The following CCNH variants were observed in gnomAD, a reference collection of about 807,000 sequenced individuals.
The protein encoded by CCNH is cyclin-H.
A neutral mutation model predicts 41.9 loss-of-function variants in CCNH; 31 were observed. The ratio of observed to expected loss-of-function variants is 0.74; its 90% CI spans 0.56 to 1.00. CCNH has a LOEUF of 1.00. CCNH is among the 50% of genes least tolerant of loss of function. The pLI, the probability that CCNH is intolerant of heterozygous loss-of-function variation, is 0.00. For missense variants in CCNH, 362 were observed against 388.4 expected (o/e 0.93, Z 0.57); for synonymous variants, 138 against 136.1 (o/e 1.01, Z -0.10).
At chr5:87,408,211 G>C in intron 3 of CCNH, 25 bp from the exon 4 acceptor site, 4 of 1,160,280 alleles carry the variant, frequency 3.4e-6, no homozygotes, top group Non-Finnish European at 5.0e-6. Flanking sequence ...AAGGAGGCAG[G>C]AGGCAGGGGG....
downstream of CCNH, among the ~76,000 whole-genome samples, chr5:87,316,554 A>T (rs891623887): frequency 6.6e-6 from 1 of 152,076 alleles, no homozygotes; most frequent in Non-Finnish European, 1.5e-5. Context: ...CCACTATCTA[A>T]ATATCTTTCT....
At chr5:87,395,235 G>A (rs1207829209) in intron 7 of CCNH, 131 bp from the exon 8 acceptor site, 7 of 634,886 alleles carry the variant, frequency 1.1e-5, no homozygotes, top group Non-Finnish European at 1.8e-5. Context: ...AATGGAAAAA[G>A]ATAAACAGCT....
downstream of CCNH, among the ~76,000 whole-genome samples, chr5:87,313,727 A>G (rs181011950): frequency 2.0e-5 from 3 of 152,366 alleles, no homozygotes; most frequent in East Asian, 5.8e-4. Flanking sequence ...ATCAGCTGAC[A>G]TCATGGTAGA....
At chr5:87,386,741 TAACTGTA>T (rs1453231483), downstream of CCNH, 8 of 1,194,890 alleles carry the variant, frequency 6.7e-6, no homozygotes, top group Non-Finnish European at 1.0e-5. Flanking sequence ...TTTTTGCTGT[TAACTGTA>T]ATTACTTTTG....
intron 3 of CCNH, 120 bp downstream of exon 3, chr5:87,409,170 C>T: frequency 2.1e-6 from 1 of 476,960 alleles, no homozygotes; most frequent in South Asian, 4.9e-5. Context: ...TCTAAATTAC[C>T]CTGTATTAGG....
intron 9 of CCNH, chr5:87,332,450 A>G (rs1580282383): frequency 9.3e-6 from 14 of 1,512,690 alleles, no homozygotes; most frequent in Non-Finnish European, 1.2e-5. Context: ...ATAAAACTTG[A>G]TTTTTAAAAT....
chr5:87,377,996 A>G (rs558829059), upstream of CCNH, among the ~76,000 whole-genome samples: 5 of 152,340 alleles, frequency 3.3e-5, no homozygotes, highest in South Asian at 1.0e-3. Context: ...ATTAATCTAT[A>G]CTGGGATTTT....
At chr5:87,342,712 T>C (rs1289198413) in intron 9 of CCNH, among the ~76,000 whole-genome samples, 1 of 152,198 alleles carries the variant, frequency 6.6e-6, no homozygotes, top group East Asian at 1.9e-4. Flanking sequence ...AGTAGAAAAC[T>C]AGAAAGTGTT....
chr5:87,379,846 C>T, upstream of CCNH: 1 of 1,612,024 alleles, frequency 6.2e-7, no homozygotes, highest in Non-Finnish European at 8.5e-7. Context: ...AGAAATACTT[C>T]CACCGTAAGT....
chr5:87,399,961 G>T (rs1252213242), intron 6 of CCNH, among the ~76,000 whole-genome samples: 2 of 152,162 alleles, frequency 1.3e-5, no homozygotes, highest in Admixed American at 1.3e-4. Flanking sequence ...ATAAAGGGAG[G>T]ATGCTCAGTA....
At chr5:87,358,580 T>C (rs1173728046) in intron 9 of CCNH, among the ~76,000 whole-genome samples, 3 of 152,254 alleles carry the variant, frequency 2.0e-5, no homozygotes, top group Non-Finnish European at 4.4e-5. Flanking sequence ...TGTCCCCTTA[T>C]GCTGCATGCT....
chr5:87,402,991 C>T (rs1763525846), intron 5 of CCNH, among the ~76,000 whole-genome samples: 1 of 151,734 alleles, frequency 6.6e-6, no homozygotes, highest in Admixed American at 6.6e-5. Context: ...AATAAGAATA[C>T]CTAAAGTAGC....
chr5:87,363,616 G>T, intron 9 of CCNH: 1 of 1,222,252 alleles, frequency 8.2e-7, no homozygotes, highest in Admixed American at 1.9e-5. Flanking sequence ...AGTAGCAGAT[G>T]CACTTTCTAG....
At chr5:87,374,727 C>G (rs552136066), downstream of CCNH, 69 of 1,414,454 alleles carry the variant, frequency 4.9e-5, no homozygotes, top group African/African-American at 9.4e-4. Flanking sequence ...GTCTAGCACA[C>G]TGTTTTTTTT....
At chr5:87,332,112 A>G (rs1190954044) in intron 9 of CCNH, among the ~76,000 whole-genome samples, 1 of 152,160 alleles carries the variant, frequency 6.6e-6, no homozygotes, top group Non-Finnish European at 1.5e-5. Context: ...CACATGTAGT[A>G]TGTGAAATTA....
At chr5:87,325,131 T>C (rs1757134976) in intron 9 of CCNH, among the ~76,000 whole-genome samples, 1 of 152,108 alleles carries the variant, frequency 6.6e-6, no homozygotes, top group Non-Finnish European at 1.5e-5. Context: ...AAACATGTCC[T>C]TCTTCACATG....
chr5:87,369,699 C>T, intron 9 of CCNH: 1 of 753,902 alleles, frequency 1.3e-6, no homozygotes, highest in Non-Finnish European at 2.2e-6. Flanking sequence ...AGTATTATTT[C>T]TTTAAGAATT....
At position 87,376,417 on chromosome 5, in the gene CCNH, G is replaced by A. The variant is rs762279462; in HGVS notation, n.764C>T. 9.9e-6 allele frequency: 16 copies of A among 1,613,798 alleles called. No homozygotes were observed. The highest frequency in any genetic ancestry group is 5.3e-5 in the African/African-American group (4 of 74,898). On this transcript the variant is annotated non_coding_transcript_exon_variant, in exon 1 of 1. Transcript: ENST00000607486. ...GTATTTATGCGCTGCCAGTTGAGCC[G>A]ATTACAGAAAGGGCATGCCACAGAT...
chr5:87,402,960 G>A (rs1342281830), intron 5 of CCNH, among the ~76,000 whole-genome samples: 2 of 152,060 alleles, frequency 1.3e-5, no homozygotes, highest in African/African-American at 4.8e-5. Context: ...ATATTGTGGT[G>A]TTTTAATAAA....
Sources: allele counts gnomAD v4.1 joint callset (sites outside exome capture counted in the v4.1 genomes callset), GRCh38; gene constraint gnomAD v4.1.1; transcripts MANE v1.5; gene names NCBI Gene and HGNC (gene_info 2026-07-23, HGNC 2026-07-21).